The following HNRNPC variants were observed in gnomAD, a reference collection of about 807,000 sequenced individuals.
The protein encoded by HNRNPC is heterogeneous nuclear ribonucleoproteins C1/C2.
Under a neutral mutation model 33.2 loss-of-function variants are expected in HNRNPC, and 3 were observed. That is an observed-to-expected ratio of 0.09 (90% CI 0.04 to 0.23). The LOEUF (loss-of-function observed/expected upper bound fraction) is 0.23. Ranked by LOEUF, HNRNPC falls within the 10% of genes least tolerant of loss-of-function variation. The pLI is 1.00. For missense variants in HNRNPC, 143 were observed against 366.7 expected (o/e 0.39, Z 4.98); for synonymous variants, 121 against 126.7 (o/e 0.96, Z 0.30).
intron 5 of HNRNPC, 38 bp downstream of exon 5, chr14:21,230,281 A>G: frequency 7.0e-7 from 1 of 1,435,702 alleles, no homozygotes; most frequent in South Asian, 1.2e-5. Context: ...TTCTCACTAA[A>G]TAGCTGTTTA....
chr14:21,244,766 A>G (rs952463643), intron 2 of HNRNPC, among the ~76,000 whole-genome samples: 15 of 152,208 alleles, frequency 9.9e-5, no homozygotes, highest in South Asian at 2.1e-4. Flanking sequence ...CCTGTATCGT[A>G]TAGCCTATTG....
intron 2 of HNRNPC, among the ~76,000 whole-genome samples, chr14:21,245,533 TATAAAGCACTTACC>T (rs558465301): frequency 1.3e-3 from 200 of 152,166 alleles, no homozygotes; most frequent in African/African-American, 4.5e-3. Context: ...GGTATACCTA[TATAAAGCACTTACC>T]ATGAATGGAG....
At chr14:21,245,781 A>G (rs1895914783) in intron 2 of HNRNPC, among the ~76,000 whole-genome samples, 1 of 152,206 alleles carries the variant, frequency 6.6e-6, no homozygotes, top group African/African-American at 2.4e-5. Context: ...GCCTAAGCCT[A>G]TAGGTGTTCA....
chr14:21,254,442 G>T (rs1342261720), intron 2 of HNRNPC: 1 of 152,072 alleles, frequency 6.6e-6, no homozygotes, highest in Non-Finnish European at 1.5e-5. Flanking sequence ...CAAAAAGCCT[G>T]GAAGAACACC....
Position 21,219,734 on chromosome 14 carries a change from G to A in HNRNPC, c.366-6617C>T, listed in dbSNP as rs188764324. Among the ~76,000 whole-genome samples, 215 of 152,030 alleles carry A rather than the reference G, an allele frequency of 1.4e-3. 1 individual carries two copies. The highest frequency in any genetic ancestry group is 4.8e-3 in the African/African-American group (199 of 41,456). On this transcript the variant is annotated intron_variant, in intron 5 of 8. Transcript: ENST00000553300. ...TCTGTTTCCAATCATCCAGTATTGC[G>A]GTTTTATAAACTCTAAGCAGATGAC... is the stretch of plus-strand genomic sequence containing the variant.
chr14:21,255,401 ATGC>A (rs1876999375), intron 2 of HNRNPC, among the ~76,000 whole-genome samples: 1 of 152,228 alleles, frequency 6.6e-6, no homozygotes, highest in Non-Finnish European at 1.5e-5. Flanking sequence ...ACAAATAGCC[ATGC>A]TTTCTCAGTA....
At chr14:21,241,861 C>T (rs573417992) in intron 2 of HNRNPC, among the ~76,000 whole-genome samples, 197 of 152,298 alleles carry the variant, frequency 1.3e-3, no homozygotes, top group Non-Finnish European at 2.3e-3. Context: ...AAGACATTTT[C>T]AGCCTATGAA....
chr14:21,229,302 C>T (rs891670817), intron 5 of HNRNPC, among the ~76,000 whole-genome samples: 3 of 147,742 alleles, frequency 2.0e-5, no homozygotes, highest in Non-Finnish European at 3.0e-5. Flanking sequence ...TGCCAGGAGG[C>T]GCAGCTTGCA....
intron 6 of HNRNPC, among the ~76,000 whole-genome samples, chr14:21,212,714 T>C (rs1891752786): frequency 6.6e-6 from 1 of 152,080 alleles, no homozygotes; most frequent in South Asian, 2.1e-4. Context: ...GGCAAATTTT[T>C]TGTATTTTCG....
chr14:21,247,033 A>C (rs1424795434), intron 2 of HNRNPC, among the ~76,000 whole-genome samples: 2 of 152,192 alleles, frequency 1.3e-5, no homozygotes, highest in Admixed American at 1.3e-4. Flanking sequence ...CTCATCAGTA[A>C]AGTTTTTGGA....
At chr14:21,211,954 T>G in intron 6 of HNRNPC, 31 bp from the exon 7 acceptor site, 1 of 1,526,712 alleles carries the variant, frequency 6.6e-7, no homozygotes, top group Non-Finnish European at 9.1e-7. Context: ...TAGATTAAAA[T>G]CAAATGTACC....
At chr14:21,232,586 T>A (rs1894237166) in intron 3 of HNRNPC, among the ~76,000 whole-genome samples, 1 of 152,176 alleles carries the variant, frequency 6.6e-6, no homozygotes, top group South Asian at 2.1e-4. Context: ...CAGGATGGTC[T>A]CCATCTCCTG....
rs573632340 is a variant in HNRNPC at position 21,230,464 on chromosome 14, T to C, written c.318-98A>G. ...ACCATGCCAAATAAACCACAACAAA[T>C]AGATCAACAAGATTAGCACTGAATG... On this transcript the variant is annotated intron_variant, in intron 4 of 8. Coordinates refer to ENST00000553300, the MANE Select transcript of HNRNPC (RefSeq NM_004500.4). 85 of 806,842 alleles carry C rather than the reference T, an allele frequency of 1.1e-4. 1 individual carries two copies. Among genetic ancestry groups the C allele is most frequent in the African/African-American group, 1.0e-3 (61 of 58,788 alleles). The allele number at this position is 806,842 out of a possible 1,614,324, so 50.0% of individuals were successfully genotyped here. A position where few individuals can be genotyped will look rare whatever the true frequency, so the allele number is the denominator to read the frequency against.
chr14:21,269,127 G>A (rs537828715), intron 1 of HNRNPC, among the ~76,000 whole-genome samples, 171 bp downstream of exon 1: 13 of 152,158 alleles, frequency 8.5e-5, no homozygotes, highest in Non-Finnish European at 2.9e-5. Flanking sequence ...AACCTATACA[G>A]AGGCTGAGGC....
At chr14:21,219,982 A>C (rs539308699) in intron 5 of HNRNPC, among the ~76,000 whole-genome samples, 1 of 152,304 alleles carries the variant, frequency 6.6e-6, no homozygotes, top group South Asian at 2.1e-4. Flanking sequence ...AACACCTTTA[A>C]GATCCATCTG....
intron 2 of HNRNPC, among the ~76,000 whole-genome samples, chr14:21,257,167 G>GACATGCAGGTA (rs1366995816): frequency 3.3e-5 from 5 of 152,134 alleles, no homozygotes; most frequent in Admixed American, 2.6e-4. Flanking sequence ...CAGGTAAACT[G>GACATGCAGGTA]AATTGGTATG....
chr14:21,268,753 C>T (rs1879440990), intron 1 of HNRNPC: 1 of 152,180 alleles, frequency 6.6e-6, no homozygotes, highest in South Asian at 2.1e-4. Flanking sequence ...ATAACTACTT[C>T]GAGCTCCATC....
At chr14:21,227,292 T>G (rs1893578828) in intron 5 of HNRNPC, among the ~76,000 whole-genome samples, 1 of 152,096 alleles carries the variant, frequency 6.6e-6, no homozygotes, top group African/African-American at 2.4e-5. Flanking sequence ...CCAACTTGAG[T>G]AAGTTCCCAT....
rs199851959 is a variant in HNRNPC, at chr14:21,211,770, A to T, written c.637+40T>A. 44 of 1,558,684 alleles carry T rather than the reference A, an allele frequency of 2.8e-5. No homozygotes were observed. The Admixed American group carries it at 5.7e-4, about 20-fold the overall frequency. On this transcript the variant is annotated intron_variant, in intron 7 of 8. Transcript: ENST00000553300. ...TACTTTCAAGTGCCTTATGTAACTAACCCAACTGTATACCAAGGGCAAGCA... is the reference window on the plus strand; with the variant it reads ...TACTTTCAAGTGCCTTATGTAACTATCCCAACTGTATACCAAGGGCAAGCA...
Sources: allele counts gnomAD v4.1 joint callset (sites outside exome capture counted in the v4.1 genomes callset), GRCh38; gene constraint gnomAD v4.1.1; transcripts MANE v1.5; gene names NCBI Gene and HGNC (gene_info 2026-07-23, HGNC 2026-07-21).